The following ATG7 variants were observed in gnomAD, a reference collection of about 807,000 sequenced individuals.
The protein encoded by ATG7 is ubiquitin-like modifier-activating enzyme ATG7.
ATG7 carries 70 observed loss-of-function variants against 82.4 expected under a neutral mutation model. The observed-to-expected ratio is 0.85, with a 90% CI of 0.70 to 1.04. The LOEUF (loss-of-function observed/expected upper bound fraction) is 1.04, where lower values mean the gene tolerates loss of function less well. ATG7 is among the 50% of genes least tolerant of loss of function. The probability of loss-of-function intolerance (pLI) is 0.00; values close to 1 mark genes in which losing one functional copy is unlikely to be tolerated. For synonymous variants in ATG7, 287 were observed against 313.0 expected (o/e 0.92, Z 0.88); for missense variants, 792 against 864.3 (o/e 0.92, Z 1.05).
intron 20 of ATG7, chr3:11,510,284 C>T (rs1394943777): frequency 1.3e-5 from 6 of 456,632 alleles, no homozygotes; most frequent in South Asian, 9.3e-5. Context: ...AGATCTCTAC[C>T]AGCTCTCAAG....
At chr3:11,313,869 G>A (rs570528191) in intron 8 of ATG7, among the ~76,000 whole-genome samples, 1 of 152,128 alleles carries the variant, frequency 6.6e-6, no homozygotes, top group Non-Finnish European at 1.5e-5. Flanking sequence ...CAAAGTGCTG[G>A]GATTACAGGC....
intron 19 of ATG7, among the ~76,000 whole-genome samples, chr3:11,401,486 A>G (rs985089569): frequency 2.6e-5 from 4 of 152,180 alleles, no homozygotes; most frequent in Non-Finnish European, 4.4e-5. Context: ...AGCAGACACA[A>G]TTTTATCCTC....
the ATG7 span, chr3:11,564,650 G>A: frequency 4.9e-6 from 4 of 819,342 alleles, no homozygotes; most frequent in East Asian, 5.8e-5. Flanking sequence ...CACAACAGAG[G>A]CGAAGGGTGG....
chr3:11,352,713 T>C (rs2075652853), intron 14 of ATG7, among the ~76,000 whole-genome samples: 1 of 152,226 alleles, frequency 6.6e-6, no homozygotes, highest in African/African-American at 2.4e-5. Context: ...ATAATTGAAA[T>C]ACTAAATGCT....
At chr3:11,301,999 T>A (rs1350093612) in intron 5 of ATG7, among the ~76,000 whole-genome samples, 1 of 152,200 alleles carries the variant, frequency 6.6e-6, no homozygotes, top group Middle Eastern at 3.2e-3. Flanking sequence ...GATAAGAAAA[T>A]CTGTGATCCT....
chr3:11,358,113 G>A (rs184428106), intron 14 of ATG7, among the ~76,000 whole-genome samples: 41 of 152,178 alleles, frequency 2.7e-4, no homozygotes, highest in Admixed American at 1.1e-3. Flanking sequence ...AAGAGCCAAA[G>A]ATACACAGTT....
At chr3:11,339,201 C>G (rs1395251116) in intron 11 of ATG7, among the ~76,000 whole-genome samples, 1 of 148,348 alleles carries the variant, frequency 6.7e-6, no homozygotes, top group Non-Finnish European at 1.5e-5. Flanking sequence ...GAGGCTGAGA[C>G]AGGAGAATGG....
At chr3:11,466,382 G>T (rs938684041) in intron 20 of ATG7, among the ~76,000 whole-genome samples, 20 of 152,192 alleles carry the variant, frequency 1.3e-4, no homozygotes, top group African/African-American at 4.8e-4. Context: ...AGTTGGTTTT[G>T]TGTCCACGTC....
chr3:11,325,985 G>T (rs1222743410), intron 9 of ATG7, among the ~76,000 whole-genome samples: 3 of 152,050 alleles, frequency 2.0e-5, no homozygotes, highest in African/African-American at 7.2e-5. Flanking sequence ...GTGTTGTTTT[G>T]TGACCTATAG....
chr3:11,496,059 A>C (rs2090808504), intron 20 of ATG7, among the ~76,000 whole-genome samples: 1 of 152,222 alleles, frequency 6.6e-6, no homozygotes, highest in South Asian at 2.1e-4. Context: ...AGGCTAAAGC[A>C]GGAGAGTTTA....
chr3:11,426,077 CTT>C (rs1334586605), intron 19 of ATG7, among the ~76,000 whole-genome samples: 2 of 152,246 alleles, frequency 1.3e-5, no homozygotes, highest in East Asian at 1.9e-4. Flanking sequence ...GCTGTGGACA[CTT>C]TTGTTTGTGT....
chr3:11,524,184 C>A (rs1337465998), intron 20 of ATG7, among the ~76,000 whole-genome samples: 1 of 152,204 alleles, frequency 6.6e-6, no homozygotes, highest in East Asian at 1.9e-4. Flanking sequence ...TGATTGTCTA[C>A]CTGGCAGGCT....
chr3:11,422,811 G>A (rs1247162199), intron 19 of ATG7, among the ~76,000 whole-genome samples: 1 of 135,724 alleles, frequency 7.4e-6, no homozygotes, highest in East Asian at 2.3e-4. Flanking sequence ...GGAGTGCAGT[G>A]TGGCGCAATC....
At position 11,336,847 on chromosome 3, in the gene ATG7, A is replaced by G. The variant is rs1952584181; in HGVS notation, c.889+3754A>G. ...GCCACCACACCCAACTAATTTTTGT[A>G]TTTTTTGCAGAGACAGGGTTTCACT... On this transcript the variant is annotated intron_variant, in intron 11 of 20. Transcript: ENST00000693202. 2.6e-5 allele frequency among the ~76,000 whole-genome samples: 4 copies of G among 151,616 alleles called. No individual in the cohort carries two copies. The South Asian group carries it at 8.3e-4, about 32-fold the overall frequency.
intron 20 of ATG7, among the ~76,000 whole-genome samples, chr3:11,538,796 C>T (rs1365224215): frequency 6.8e-6 from 1 of 146,914 alleles, no homozygotes; most frequent in Non-Finnish European, 1.5e-5. Context: ...ATCACCTGAG[C>T]CTGGGAAGGT....
At chr3:11,417,392 T>G (rs2081461908) in intron 19 of ATG7, among the ~76,000 whole-genome samples, 1 of 152,216 alleles carries the variant, frequency 6.6e-6, no homozygotes, top group African/African-American at 2.4e-5. Flanking sequence ...TGTGTCTTAC[T>G]GGAGAATTGA....
chr3:11,432,274 T>G (rs186498451), intron 20 of ATG7, among the ~76,000 whole-genome samples: 6 of 152,192 alleles, frequency 3.9e-5, no homozygotes, highest in Admixed American at 2.0e-4. Context: ...CAAAGGAGAT[T>G]TACCCTATTC....
At chr3:11,385,218 C>T (rs973322650) in intron 19 of ATG7, among the ~76,000 whole-genome samples, 18 of 152,044 alleles carry the variant, frequency 1.2e-4, no homozygotes, top group African/African-American at 3.1e-4. Flanking sequence ...TCAGTAGAGA[C>T]GGGGTTTCAC....
intron 20 of ATG7, among the ~76,000 whole-genome samples, chr3:11,531,110 G>C (rs1271441144): frequency 6.6e-6 from 1 of 152,198 alleles, no homozygotes; most frequent in Non-Finnish European, 1.5e-5. Context: ...TGGCAGGGAA[G>C]GGCTGAGGCA....
Sources: gnomAD v4.1 joint callset for allele counts (sites outside exome capture counted in the v4.1 genomes callset) on GRCh38, gnomAD v4.1.1 for gene constraint, MANE v1.5 for transcripts, NCBI Gene and HGNC (gene_info 2026-07-23, HGNC 2026-07-21) for gene names.